Variants in PCDH11Y observed in about 807,000 individuals in gnomAD.
PCDH11Y encodes protocadherin-11 Y-linked.
For synonymous variants in PCDH11Y, 9 were observed against 83.6 expected (o/e 0.11, Z 4.87); for missense variants, 12 against 224.8 (o/e 0.05, Z 6.05).
intron 2 of PCDH11Y, among the ~76,000 whole-genome samples, chrY:5,452,559 G>T: frequency 3.0e-5 from 1 of 33,293 alleles, no homozygotes; most frequent in African/African-American, 1.2e-4. Context: ...ACATGTACAA[G>T]CACATAATCC....
chrY:5,655,823 T>C (rs2124706653), intron 4 of PCDH11Y, among the ~76,000 whole-genome samples: 1 of 30,046 alleles, frequency 3.3e-5, no homozygotes, highest in South Asian at 7.7e-4. Context: ...GAGGTTTCCC[T>C]GTTCTCCACA....
At chrY:5,398,461 C>T in intron 2 of PCDH11Y, among the ~76,000 whole-genome samples, 4 of 32,374 alleles carry the variant, frequency 1.2e-4, no homozygotes, top group Admixed American at 5.8e-4. Context: ...TTCTTTACTA[C>T]GCTTTGGAGA....
At chrY:5,031,492 A>T in intron 1 of PCDH11Y, among the ~76,000 whole-genome samples, 3 of 33,135 alleles carry the variant, frequency 9.1e-5, no homozygotes, top group Admixed American at 2.8e-4. Flanking sequence ...GTAGGTAGGA[A>T]GATGTCATAT....
At chrY:5,129,626 G>A in intron 2 of PCDH11Y, among the ~76,000 whole-genome samples, 1 of 32,023 alleles carries the variant, frequency 3.1e-5, no homozygotes, top group Non-Finnish European at 7.6e-5. Flanking sequence ...TATTGCCAAT[G>A]TCAAGGACAG....
chrY:5,380,748 G>A (rs2124674342), intron 2 of PCDH11Y, among the ~76,000 whole-genome samples: 1 of 31,271 alleles, frequency 3.2e-5, no homozygotes, highest in Admixed American at 2.9e-4. Context: ...CACCGCGCCC[G>A]GCTAATTTTT....
chrY:5,077,287 ATTGT>A (rs2052711291), intron 1 of PCDH11Y, among the ~76,000 whole-genome samples: 2 of 33,454 alleles, frequency 6.0e-5, no homozygotes, highest in Admixed American at 2.7e-4. Flanking sequence ...CTTTACTGAA[ATTGT>A]TTATCAGTTC....
At chrY:5,335,305 G>T (rs2053135383) in intron 2 of PCDH11Y, among the ~76,000 whole-genome samples, 1 of 32,832 alleles carries the variant, frequency 3.0e-5, no homozygotes, top group African/African-American at 1.2e-4. Flanking sequence ...GAACCAAAAG[G>T]GGGAGGCAGG....
At chrY:5,019,157 G>A in intron 1 of PCDH11Y, 8 of 33,487 alleles carry the variant, frequency 2.4e-4, no homozygotes, top group Admixed American at 2.2e-3. Context: ...TCTGTCCGAG[G>A]ACAATATATT....
At chrY:5,467,464 A>G (rs374550206) in intron 2 of PCDH11Y, among the ~76,000 whole-genome samples, 1 of 32,128 alleles carries the variant, frequency 3.1e-5, no homozygotes, top group Non-Finnish European at 7.7e-5. Flanking sequence ...AAAAAAAAAC[A>G]CTTTAAATGA....
intron 1 of PCDH11Y, among the ~76,000 whole-genome samples, chrY:5,028,910 G>A (rs2052583967): frequency 3.0e-5 from 1 of 33,113 alleles, no homozygotes; most frequent in Non-Finnish European, 7.4e-5. Flanking sequence ...GTGGGGGGGA[G>A]ACAGAGAGAG....
At chrY:5,495,374 A>T in intron 2 of PCDH11Y, among the ~76,000 whole-genome samples, 1 of 33,775 alleles carries the variant, frequency 3.0e-5, no homozygotes, top group East Asian at 7.7e-4. Context: ...GTAATTATAA[A>T]TCATTTGGCT....
chrY:5,139,656 A>G, intron 2 of PCDH11Y, among the ~76,000 whole-genome samples: 1 of 26,165 alleles, frequency 3.8e-5, no homozygotes, highest in African/African-American at 1.4e-4. Context: ...TGCAAAAAAA[A>G]AAAAAAAAAA....
chrY:5,360,925 G>A, intron 2 of PCDH11Y, among the ~76,000 whole-genome samples: 2 of 32,805 alleles, frequency 6.1e-5, no homozygotes, highest in African/African-American at 1.2e-4. Flanking sequence ...AAAGGGAAGA[G>A]GAATAGGAGA....
intron 2 of PCDH11Y, among the ~76,000 whole-genome samples, chrY:5,384,344 A>G: frequency 3.4e-5 from 1 of 29,833 alleles, no homozygotes; most frequent in Admixed American, 3.2e-4. Flanking sequence ...GTGGAGAAGA[A>G]TTCACATCTA....
chrY:5,410,358 G>A (rs2053245743), intron 2 of PCDH11Y, among the ~76,000 whole-genome samples: 5 of 23,850 alleles, frequency 2.1e-4, no homozygotes, highest in Admixed American at 1.1e-3. Flanking sequence ...CAACAAGAGC[G>A]AAACCCTGTC....
chrY:5,494,920 G>A (rs2053342840), intron 2 of PCDH11Y, among the ~76,000 whole-genome samples: 1 of 31,308 alleles, frequency 3.2e-5, no homozygotes, highest in Non-Finnish European at 7.7e-5. Flanking sequence ...GGTGGCAGGC[G>A]CCTGTAGTCC....
At chrY:5,522,040 A>AT (rs2053381753) in intron 3 of PCDH11Y, among the ~76,000 whole-genome samples, 1 of 30,692 alleles carries the variant, frequency 3.3e-5, no homozygotes, top group African/African-American at 1.3e-4. Context: ...TACCGGGATA[A>AT]TTTTTTGTAT....
intron 2 of PCDH11Y, chrY:5,338,219 A>G (rs753921862): frequency 3.9e-4 from 128 of 327,269 alleles, no homozygotes; most frequent in Middle Eastern, 1.7e-3. Flanking sequence ...GTTGATGTAG[A>G]ATTGGCGGAT....
chrY:5,685,439 T>C, intron 4 of PCDH11Y, among the ~76,000 whole-genome samples: 1 of 31,952 alleles, frequency 3.1e-5, no homozygotes, highest in Non-Finnish European at 7.7e-5. Flanking sequence ...GAGTAGAGCA[T>C]GGACTTATTA....
Sources: gnomAD v4.1 joint callset for allele counts (sites outside exome capture counted in the v4.1 genomes callset) on GRCh38, gnomAD v4.1.1 for gene constraint, MANE v1.5 for transcripts, NCBI Gene and HGNC (gene_info 2026-07-23, HGNC 2026-07-21) for gene names.